Variants in ZNF469 observed in about 807,000 individuals in gnomAD.
ZNF469 encodes the protein zinc finger protein 469.
Under a neutral mutation model 1.0 loss-of-function variants are expected in ZNF469, and 1 was observed. The observed-to-expected ratio is 1.00, with a 90% confidence interval of 0.35 to 4.73. The LOEUF is 4.73. Ranked by LOEUF, ZNF469 falls within the 30% of genes most tolerant of loss-of-function variation. ZNF469 has a pLI of 0.16. For synonymous variants in ZNF469, 2,703 were observed against 2,363.4 expected (o/e 1.14, Z -4.17); for missense variants, 6,100 against 5,356.3 (o/e 1.14, Z -4.33).
chr16:88,328,727 G>C, the ZNF469 span, among the ~76,000 whole-genome samples: 1 of 152,198 alleles, frequency 6.6e-6, no homozygotes, highest in Non-Finnish European at 1.5e-5. Flanking sequence ...ACAGCTGAGT[G>C]CAATGGGAGA....
At chr16:88,151,566 C>T in the ZNF469 span, among the ~76,000 whole-genome samples, 1 of 152,230 alleles carries the variant, frequency 6.6e-6, no homozygotes, top group Non-Finnish European at 1.5e-5. The surrounding 1 kb of genome is among the most constrained non-coding windows in gnomAD (Gnocchi z 5.4). Flanking sequence ...TGCTGCAGTC[C>T]TTTGCTGTTA....
At chr16:88,245,163 G>A in the ZNF469 span, among the ~76,000 whole-genome samples, 1 of 152,176 alleles carries the variant, frequency 6.6e-6, no homozygotes, top group African/African-American at 2.4e-5. Context: ...TGTTCTGAGG[G>A]GATCAAGTCC....
At chr16:88,258,801 C>A in the ZNF469 span, among the ~76,000 whole-genome samples, 50,348 of 151,904 alleles carry the variant, frequency 0.33, 8,737 homozygotes, top group Middle Eastern at 0.46. Context: ...GGGAGGTGTA[C>A]AAACAGCATC....
the ZNF469 span, among the ~76,000 whole-genome samples, chr16:88,143,069 G>A: frequency 1.3e-5 from 2 of 152,298 alleles, no homozygotes; most frequent in East Asian, 3.9e-4. Context: ...GGCTGAGATG[G>A]GGCCCCAGGC....
In ZNF469 at chr16:88,398,816, G is replaced by A. The variant is rs138242089; in HGVS notation, c.-192+15562G>A. ...GCCCAGGGCATCCGGGCTGGGATCC[G>A]TGACCAAAGGTCAGGGCAGATCTGA... is the stretch of plus-strand genomic sequence containing the variant. On this transcript the variant is annotated intron_variant, in intron 1 of 2. Coordinates refer to ENST00000565624, the MANE Select transcript of ZNF469 (RefSeq NM_001367624.2). Among the ~76,000 whole-genome samples the A allele has an allele frequency of 4.9e-3, 745 of 152,306 alleles. 6 individuals are homozygous for A. Among genetic ancestry groups the A allele is most frequent in the African/African-American group, 0.017 (710 of 41,556 alleles).
chr16:88,356,733 C>T, the ZNF469 span, among the ~76,000 whole-genome samples: 2 of 152,316 alleles, frequency 1.3e-5, no homozygotes, highest in Middle Eastern at 3.4e-3. Context: ...GACCTTGACG[C>T]AGCCCCATGT....
At chr16:88,224,777 A>C in the ZNF469 span, among the ~76,000 whole-genome samples, 504 of 152,268 alleles carry the variant, frequency 3.3e-3, 4 homozygotes, top group African/African-American at 0.012. Flanking sequence ...GTAAGCATGT[A>C]CACGTGTCTC....
chr16:88,149,759 G>T, the ZNF469 span, among the ~76,000 whole-genome samples: 3 of 152,162 alleles, frequency 2.0e-5, no homozygotes, highest in African/African-American at 7.2e-5. Context: ...CCCCTGACAC[G>T]TGCTGGGCAG....
the ZNF469 span, among the ~76,000 whole-genome samples, chr16:88,358,853 GA>G: frequency 6.6e-6 from 1 of 152,014 alleles, no homozygotes; most frequent in Admixed American, 6.5e-5. Context: ...TGAGTATCTG[GA>G]ATTACAGGCG....
the ZNF469 span, among the ~76,000 whole-genome samples, chr16:88,217,003 T>C: frequency 3.1e-4 from 47 of 152,218 alleles, no homozygotes; most frequent in Admixed American, 6.6e-4. Context: ...TCCTGAGCTA[T>C]GGTTCTTGAA....
At chr16:88,281,186 T>G in the ZNF469 span, among the ~76,000 whole-genome samples, 1 of 136,516 alleles carries the variant, frequency 7.3e-6, no homozygotes, top group East Asian at 2.7e-4. Context: ...GTGCACAGGT[T>G]AGTGCTGTGC....
intron 1 of ZNF469, among the ~76,000 whole-genome samples, chr16:88,409,131 G>C (rs1227831497): frequency 6.6e-6 from 1 of 152,250 alleles, no homozygotes; most frequent in African/African-American, 2.4e-5. Flanking sequence ...GAGACCCCGG[G>C]AGTGCGGCCT....
chr16:88,113,580 T>C, the ZNF469 span, among the ~76,000 whole-genome samples: 1 of 152,158 alleles, frequency 6.6e-6, no homozygotes, highest in African/African-American at 2.4e-5. Context: ...CCTCCAGCCC[T>C]GGGGAAGGCC....
Position 88,432,154 on chromosome 16 carries a change from C to T in ZNF469, c.4684C>T (p.Leu1562=), listed in dbSNP as rs1346126354. Residue 1562 remains leucine (L), a synonymous_variant, in exon 3 of 3, where the codon CTG becomes TTG. Coordinates refer to ENST00000565624, the MANE Select transcript of ZNF469 (RefSeq NM_001367624.2). The stretch of plus-strand genomic sequence containing the variant: ...TATGAGTCACCTGTCCGAGGATGAA[C>T]TGGAGATCCAGAAATTGGTCACCGA... ...ALMSHLSEDE[L]EIQKLVTELE... 6 of 1,550,378 alleles carry T rather than the reference C, an allele frequency of 3.9e-6. No homozygotes were observed. The Admixed American group carries it at 5.9e-5, about 15-fold the overall frequency.
the ZNF469 span, among the ~76,000 whole-genome samples, chr16:88,175,424 G>T: frequency 1.3e-5 from 2 of 152,138 alleles, no homozygotes; most frequent in Non-Finnish European, 2.9e-5. Flanking sequence ...CATCAAAGTG[G>T]ACTATATTCT....
At chr16:88,204,851 G>A in the ZNF469 span, among the ~76,000 whole-genome samples, 53 of 152,218 alleles carry the variant, frequency 3.5e-4, no homozygotes, top group Non-Finnish European at 5.9e-5. Flanking sequence ...TCCTTCAGAC[G>A]TGGAAAAGGG....
At chr16:88,204,710 C>T in the ZNF469 span, among the ~76,000 whole-genome samples, 3 of 152,212 alleles carry the variant, frequency 2.0e-5, no homozygotes, top group African/African-American at 7.2e-5. Context: ...AGGATGGTCA[C>T]AGCCGTCTCC....
At chr16:88,118,916 T>C in the ZNF469 span, among the ~76,000 whole-genome samples, 1 of 152,196 alleles carries the variant, frequency 6.6e-6, no homozygotes, top group Non-Finnish European at 1.5e-5. Flanking sequence ...TCGGCTGCAT[T>C]CCACGGAGAT....
At chr16:88,187,659 A>C in the ZNF469 span, among the ~76,000 whole-genome samples, 1 of 151,798 alleles carries the variant, frequency 6.6e-6, no homozygotes, top group Non-Finnish European at 1.5e-5. Context: ...GAAGAATCCC[A>C]AATGTGGTTT....
Sources: allele counts gnomAD v4.1 joint callset (sites outside exome capture counted in the v4.1 genomes callset), GRCh38; gene constraint gnomAD v4.1.1; non-coding constraint Gnocchi (gnomAD v3.1); transcripts MANE v1.5; gene names NCBI Gene and HGNC (gene_info 2026-07-23, HGNC 2026-07-21).